CCDC50: variants seen among roughly 807,000 people sequenced by gnomAD.
The protein encoded by CCDC50 is coiled-coil domain containing 50.
A neutral mutation model predicts 70.2 loss-of-function variants in CCDC50; 54 were observed. The ratio of observed to expected loss-of-function variants is 0.77; its 90% CI spans 0.62 to 0.96. CCDC50 has a LOEUF of 0.96. Ranked by LOEUF, CCDC50 falls within the 50% of genes least tolerant of loss-of-function variation. CCDC50 has a pLI of 0.00. For synonymous variants in CCDC50, 216 were observed against 198.8 expected, an observed-to-expected ratio of 1.09 and a Z score of -0.73; for missense variants, 558 against 578.7, an observed-to-expected ratio of 0.96 and a Z score of 0.37.
Position 191,349,567 on chromosome 3 carries a change from C to T in CCDC50, c.50-7521C>T, listed in dbSNP as rs76487729. ...CACTTAGGAAACACTGTGAAAGAATCGGAAGGATGGGGTGGTGGGAAGAGG... is the reference window on the plus strand; with the variant it reads ...CACTTAGGAAACACTGTGAAAGAATTGGAAGGATGGGGTGGTGGGAAGAGG... On this transcript the variant is annotated intron_variant, in intron 1 of 11. Coordinates refer to ENST00000392455, the MANE Select transcript of CCDC50 (RefSeq NM_178335.3). Among the ~76,000 whole-genome samples the T allele has an allele frequency of 4.8e-3, 670 of 140,928 alleles. 108 individuals are homozygous for T. Among genetic ancestry groups the T allele is most frequent in the Non-Finnish European group, 7.8e-3 (485 of 62,532 alleles). 92.5% of individuals were successfully genotyped at this position (140,928 alleles called of 152,430 possible). A position where few individuals can be genotyped will look rare whatever the true frequency, so the allele number is the denominator to read the frequency against.
chr3:191,370,019 A>G lies in CCDC50; in HGVS notation c.431A>G (p.Tyr144Cys), dbSNP rs939758413. 16 of 1,607,224 alleles carry G rather than the reference A, an allele frequency of 1.0e-5. No individual in the cohort carries two copies. The highest frequency in any genetic ancestry group is 2.7e-5 in the African/African-American group (2 of 74,768). The change falls in exon 5 of 12, where the codon TAC becomes TGC. Residue 144 changes from tyrosine (Y) to cysteine (C), a missense_variant. Tyr to Cys is a radical substitution (Grantham distance 194). Coordinates refer to ENST00000392455, the MANE Select transcript of CCDC50 (RefSeq NM_178335.3). Reference sequence around the variant, plus strand: ...GCAACCCGTGCTTATGCAGATAGTTACTATTATGAAGATGGAGGTAACAAT... The same window carrying G: ...GCAACCCGTGCTTATGCAGATAGTTGCTATTATGAAGATGGAGGTAACAAT... ...FPATRAYADS[Y>C]YYEDGDQPGS...
At position 191,369,883 on chromosome 3, in the gene CCDC50, G is replaced by A. The variant is rs1430263949; in HGVS notation, c.331-36G>A. On this transcript the variant is annotated intron_variant, in intron 4 of 11. Transcript: ENST00000392455. ...CCATATGGAGTTTGTTTGTTCTTTG[G>A]TAATGTGTATTTCCATTCTCCTCTT... 9 of 1,455,578 alleles carry A rather than the reference G, an allele frequency of 6.2e-6. No individual in the cohort carries two copies. The South Asian group carries it at 6.8e-5, about 11-fold the overall frequency. The allele number at this position is 1,455,578 out of a possible 1,614,324, so 90.2% of individuals were successfully genotyped here.
At chr3:191,354,555 C>T (rs919282328) in intron 1 of CCDC50, among the ~76,000 whole-genome samples, 5 of 152,076 alleles carry the variant, frequency 3.3e-5, no homozygotes, top group Admixed American at 1.3e-4. Flanking sequence ...TTTGGCGTAA[C>T]GTTCTGACCT....
rs1189812980 is a variant in CCDC50, at chr3:191,380,821, T to C, written c.1138-7T>C. The C allele has an allele frequency of 6.2e-7, 1 of 1,612,856 alleles. No individual in the cohort carries two copies. Among genetic ancestry groups the C allele is most frequent in the East Asian group, 2.2e-5 (1 of 44,830 alleles). On this transcript the variant is annotated splice_polypyrimidine_tract_variant and splice_region_variant and intron_variant, in intron 8 of 11. Transcript: ENST00000392455. ...GCAGTTAATGATATTGACTGTATTT[T>C]GTTTAGGAAATCGCTCGACTTCTAA...
chr3:191,370,350 G>A (rs1712861766), intron 5 of CCDC50: 1 of 332,854 alleles, frequency 3.0e-6, no homozygotes, highest in Non-Finnish European at 5.9e-6. Flanking sequence ...ATCGCCTAAT[G>A]CTATCCCTCC....
In CCDC50 at chr3:191,329,509, G is replaced by C. The variant is rs530233231; in HGVS notation, c.-166G>C. The C allele has an allele frequency of 6.8e-6, 4 of 586,864 alleles. No homozygotes were observed. Among genetic ancestry groups the C allele is most frequent in the African/African-American group, 6.0e-5 (3 of 49,910 alleles). 36.4% of individuals were successfully genotyped at this position (586,864 alleles called of 1,614,324 possible). A position where few individuals can be genotyped will look rare whatever the true frequency, so the allele number is the denominator to read the frequency against. On this transcript the variant is annotated 5_prime_UTR_variant, in exon 1 of 12. Coordinates refer to ENST00000392455, the MANE Select transcript of CCDC50 (RefSeq NM_178335.3). ...CTCGGGGACCGTCTCCCGCTGCTTTGGTCACCAGCCCCTGCCCGCCCGACC... is the reference window on the plus strand; with the variant it reads ...CTCGGGGACCGTCTCCCGCTGCTTTCGTCACCAGCCCCTGCCCGCCCGACC...
At chr3:191,336,903 C>G (rs1711538329) in intron 1 of CCDC50, among the ~76,000 whole-genome samples, 1 of 152,336 alleles carries the variant, frequency 6.6e-6, no homozygotes, top group East Asian at 1.9e-4. Context: ...CTGCAAACTA[C>G]TGCCACTTGT....
intron 1 of CCDC50, among the ~76,000 whole-genome samples, chr3:191,342,312 T>G (rs1711758722): frequency 6.6e-6 from 1 of 152,202 alleles, no homozygotes; most frequent in African/African-American, 2.4e-5. Context: ...TGACTCTATC[T>G]AAAGTAAAGT....
chr3:191,336,189 G>T (rs114313555), intron 1 of CCDC50, among the ~76,000 whole-genome samples: 1,950 of 150,054 alleles, frequency 0.013, 38 homozygotes, highest in African/African-American at 0.045. Context: ...TGTTTCCCTC[G>T]AATGGACTTT....
At chr3:191,368,553 C>T (rs1331393310) in intron 4 of CCDC50, among the ~76,000 whole-genome samples, 2 of 151,960 alleles carry the variant, frequency 1.3e-5, no homozygotes, top group Non-Finnish European at 2.9e-5. Flanking sequence ...CAGCTTGTTT[C>T]TGCATAGATG....
At chr3:191,351,832 T>C (rs1169575315) in intron 1 of CCDC50, among the ~76,000 whole-genome samples, 1 of 141,086 alleles carries the variant, frequency 7.1e-6, no homozygotes, top group Non-Finnish European at 1.6e-5. Context: ...TCTCTTGCTG[T>C]AATTCTCTTT....
Position 191,395,563 on chromosome 3 carries a change from A to AT in CCDC50, c.*3804dup, listed in dbSNP as rs946507778. On this transcript the variant is annotated 3_prime_UTR_variant, in exon 12 of 12. Coordinates refer to ENST00000392455, the MANE Select transcript of CCDC50 (RefSeq NM_178335.3). Reference sequence around the variant, plus strand: ...GATTGGCTGTAAAATCTTCACCCTAATAAAGGAGTGAGATCTCTGTGTAAA... The same window carrying AT: ...GATTGGCTGTAAAATCTTCACCCTAATTAAAGGAGTGAGATCTCTGTGTAAA... The AT allele has an allele frequency of 1.3e-5, 2 of 152,170 alleles. No individual in the cohort carries two copies. The highest frequency in any genetic ancestry group is 1.5e-5 in the Non-Finnish European group (1 of 68,000). The allele number at this position is 152,170 out of a possible 1,614,324, so 9.4% of individuals were successfully genotyped here. A position where few individuals can be genotyped will look rare whatever the true frequency, so the allele number is the denominator to read the frequency against.
chr3:191,384,898 A>C (rs1713437542), intron 10 of CCDC50, among the ~76,000 whole-genome samples: 1 of 152,184 alleles, frequency 6.6e-6, no homozygotes. Flanking sequence ...GTTCCCACTT[A>C]TAAGTGAGAA....
In CCDC50 at chr3:191,381,060, T is replaced by A; in HGVS notation, c.1242+128T>A. On this transcript the variant is annotated intron_variant, in intron 9 of 11. Coordinates refer to ENST00000392455, the MANE Select transcript of CCDC50 (RefSeq NM_178335.3). ...ATATATAAATTATCTGTATTGCATA[T>A]GTGAATCTGATCTGTGAAGATTCCA... 7 of 751,072 alleles carry A rather than the reference T, an allele frequency of 9.3e-6. No individual in the cohort carries two copies. In the South Asian group the frequency reaches 1.2e-4, roughly 13 times the overall value. 46.5% of individuals were successfully genotyped at this position (751,072 alleles called of 1,614,324 possible).
chr3:191,396,617 C>A lies in CCDC50; in HGVS notation c.*4857C>A, dbSNP rs889676082. The A allele has an allele frequency of 1.3e-5, 2 of 152,114 alleles. No individual in the cohort carries two copies. The highest frequency in any genetic ancestry group is 3.2e-3 in the Middle Eastern group (1 of 316). 9.4% of individuals were successfully genotyped at this position (152,114 alleles called of 1,614,324 possible). On this transcript the variant is annotated 3_prime_UTR_variant, in exon 12 of 12. Coordinates refer to ENST00000392455, the MANE Select transcript of CCDC50 (RefSeq NM_178335.3). ...AGATTATTTGTAAGAATTTCACCAA[C>A]ACCCTTGTGTATTGAAATGCTTAAC...
In CCDC50 at chr3:191,397,988, G is replaced by A. The variant is rs1348149757; in HGVS notation, c.*6228G>A. On this transcript the variant is annotated 3_prime_UTR_variant, in exon 12 of 12. Transcript: ENST00000392455. ...GGATGCCTTAAAGATGACCAGTGGT[G>A]GGTTCTGATGGGAATATATACACTC... The A allele has an allele frequency of 6.6e-6, 1 of 152,192 alleles. No individual in the cohort carries two copies. The highest frequency in any genetic ancestry group is 2.4e-5 in the African/African-American group (1 of 41,424). 9.4% of individuals were successfully genotyped at this position (152,192 alleles called of 1,614,324 possible).
At chr3:191,371,700 A>G (rs1050270923) in intron 5 of CCDC50, among the ~76,000 whole-genome samples, 1 of 152,210 alleles carries the variant, frequency 6.6e-6, no homozygotes, top group African/African-American at 2.4e-5. Context: ...TTTAGTAAGC[A>G]GGCTGATTCA....
rs745431392 is a variant in CCDC50 at position 191,392,861 on chromosome 3, C to G, written c.*1101C>G. Reference sequence around the variant, plus strand: ...GGAGCAATTCCCCTGCCTCAGCCTCCCAAGTAGCTGGAATTACAGGCATGT... The same window carrying G: ...GGAGCAATTCCCCTGCCTCAGCCTCGCAAGTAGCTGGAATTACAGGCATGT... On this transcript the variant is annotated 3_prime_UTR_variant, in exon 12 of 12. Transcript: ENST00000392455. 6.6e-6 allele frequency: 1 copy of G among 152,334 alleles called. No individual in the cohort carries two copies. The highest frequency in any genetic ancestry group is 6.5e-5 in the Admixed American group (1 of 15,278). The allele number at this position is 152,334 out of a possible 1,614,324, so 9.4% of individuals were successfully genotyped here. A position where few individuals can be genotyped will look rare whatever the true frequency, so the allele number is the denominator to read the frequency against.
intron 10 of CCDC50, among the ~76,000 whole-genome samples, chr3:191,386,350 A>G (rs520494): frequency 0.43 from 64,069 of 148,802 alleles, 15,231 homozygotes; most frequent in Non-Finnish European, 0.53. Flanking sequence ...TCAGCCTCCC[A>G]AGTAACTGGG....
Sources: gnomAD v4.1 joint callset for allele counts (sites outside exome capture counted in the v4.1 genomes callset) on GRCh38, gnomAD v4.1.1 for gene constraint, MANE v1.5 for transcripts, NCBI Gene and HGNC (gene_info 2026-07-23, HGNC 2026-07-21) for gene names.